Variants in SH3GLB2 observed in about 807,000 individuals in gnomAD.
The protein encoded by SH3GLB2 is SH3 domain containing GRB2 like, endophilin B2, also known as endophilin-B2.
Under a neutral mutation model 48.0 loss-of-function variants are expected in SH3GLB2, and 24 were observed. That is an observed-to-expected ratio of 0.50 (90% CI 0.36 to 0.70). The LOEUF (loss-of-function observed/expected upper bound fraction) is 0.70, where lower values mean the gene tolerates loss of function less well. Ranked by LOEUF, SH3GLB2 falls within the 30% of genes least tolerant of loss-of-function variation. The pLI is 0.00. For synonymous variants in SH3GLB2, 227 were observed against 207.6 expected, an observed-to-expected ratio of 1.09 and a Z score of -0.80; for missense variants, 425 against 516.0, an observed-to-expected ratio of 0.82 and a Z score of 1.71.
chr9:129,010,980 G>GA (rs890441519), intron 6 of SH3GLB2: 6 of 492,524 alleles, frequency 1.2e-5, no homozygotes, highest in African/African-American at 1.2e-4. Flanking sequence ...GGTCTCAAGA[G>GA]AGACGGAGTG....
At chr9:129,025,817 A>G (rs1332762893) in intron 1 of SH3GLB2, among the ~76,000 whole-genome samples, 2 of 146,104 alleles carry the variant, frequency 1.4e-5, no homozygotes, top group Non-Finnish European at 3.0e-5. Flanking sequence ...GAGAAGTTCT[A>G]CCAGGCTTTC....
At chr9:129,020,670 A>G (rs1843731409) in intron 3 of SH3GLB2, among the ~76,000 whole-genome samples, 1 of 151,826 alleles carries the variant, frequency 6.6e-6, no homozygotes, top group Non-Finnish European at 1.5e-5. Flanking sequence ...GATCGAGACC[A>G]TCCTGGCTAA....
rs903287014 is a variant in SH3GLB2, at chr9:129,008,802, G to A, written c.1081-11C>T. 6.2e-7 allele frequency: 1 copy of A among 1,612,124 alleles called. No homozygotes were observed. The highest frequency in any genetic ancestry group is 8.5e-7 in the Non-Finnish European group (1 of 1,178,472). ...GTAGACAGTGATGAGCTGCAGAGAT[G>A]GCAGTAGAGGACGGTCATGGCCTGG... On this transcript the variant is annotated splice_polypyrimidine_tract_variant and intron_variant, in intron 10 of 10. Coordinates refer to ENST00000372564, the MANE Select transcript of SH3GLB2 (RefSeq NM_020145.4).
chr9:129,028,290 C>T lies in SH3GLB2; in HGVS notation c.-136G>A, dbSNP rs1844290079. On this transcript the variant is annotated 5_prime_UTR_variant, in exon 1 of 11. Transcript: ENST00000372564. Reference sequence around the variant, plus strand: ...CGCACCCGCCTGCCGGCCTGCCCGCCTGCCCGCCCGCCGCAGCCGCCGAGC... The same window carrying T: ...CGCACCCGCCTGCCGGCCTGCCCGCTTGCCCGCCCGCCGCAGCCGCCGAGC... 2.0e-6 allele frequency: 1 copy of T among 495,356 alleles called. No homozygotes were observed. Among genetic ancestry groups the T allele is most frequent in the Non-Finnish European group, 2.6e-6 (1 of 384,272 alleles). 30.7% of individuals were successfully genotyped at this position (495,356 alleles called of 1,614,324 possible). A position where few individuals can be genotyped will look rare whatever the true frequency, so the allele number is the denominator to read the frequency against.
intron 6 of SH3GLB2, 129 bp from the exon 7 acceptor site, chr9:129,010,822 A>C: frequency 8.5e-7 from 1 of 1,176,966 alleles, no homozygotes; most frequent in African/African-American, 1.5e-5. Flanking sequence ...CCCCCTCCCA[A>C]ACAGGAGCTG....
chr9:129,009,360 A>C lies in SH3GLB2; in HGVS notation c.840-14T>G. On this transcript the variant is annotated splice_polypyrimidine_tract_variant and intron_variant, in intron 9 of 10. Transcript: ENST00000372564. ...GTGCCGGGAAATCTGGAGAGGAGGGATACATCTTAGCAGGTGGGAGTCCCA... is the reference window on the plus strand; with the variant it reads ...GTGCCGGGAAATCTGGAGAGGAGGGCTACATCTTAGCAGGTGGGAGTCCCA... 1 of 1,550,730 alleles carries C rather than the reference A, an allele frequency of 6.4e-7. No homozygotes were observed. Among genetic ancestry groups the C allele is most frequent in the Non-Finnish European group, 8.7e-7 (1 of 1,146,574 alleles).
chr9:129,015,227 T>A (rs775667407), intron 3 of SH3GLB2, among the ~76,000 whole-genome samples: 8 of 152,214 alleles, frequency 5.3e-5, no homozygotes, highest in Non-Finnish European at 8.8e-5. Context: ...CCAGGTGCGG[T>A]GGCTCACACC....
intron 5 of SH3GLB2, chr9:129,012,614 GC>G: frequency 2.3e-6 from 1 of 425,956 alleles, no homozygotes; most frequent in Non-Finnish European, 4.1e-6. Flanking sequence ...AGGGGCCACA[GC>G]CCCCTCCTCC....
In SH3GLB2 at chr9:129,010,368, C is replaced by T; in HGVS notation, c.649-159G>A. 3 of 669,678 alleles carry T rather than the reference C, an allele frequency of 4.5e-6. No individual in the cohort carries two copies. In the South Asian group the frequency reaches 5.7e-5, roughly 13 times the overall value. The allele number at this position is 669,678 out of a possible 1,614,324, so 41.5% of individuals were successfully genotyped here. On this transcript the variant is annotated intron_variant, in intron 7 of 10. Coordinates refer to ENST00000372564, the MANE Select transcript of SH3GLB2 (RefSeq NM_020145.4). ...GACTTCACACCTGGAGCCCCAACCC[C>T]AGAGAAGCTAGAGCCCCACTCAGGA...
At chr9:129,022,659 C>G (rs1843882351) in intron 1 of SH3GLB2, among the ~76,000 whole-genome samples, 2 of 152,200 alleles carry the variant, frequency 1.3e-5, no homozygotes, top group Admixed American at 1.3e-4. Context: ...TTTTGGAAAT[C>G]CAATGAAAGC....
chr9:129,018,137 C>T (rs537719967), intron 3 of SH3GLB2, among the ~76,000 whole-genome samples: 1 of 152,206 alleles, frequency 6.6e-6, no homozygotes, highest in South Asian at 2.1e-4. Flanking sequence ...CATACATTCT[C>T]TGATCGCAGT....
At chr9:129,021,013 TAAAA>T (rs898677708) in intron 3 of SH3GLB2, 74 bp downstream of exon 3, 1 of 1,324,770 alleles carries the variant, frequency 7.5e-7, no homozygotes, top group African/African-American at 1.5e-5. Flanking sequence ...TTTTTTTAAG[TAAAA>T]AAAAGGAAGG....
At position 129,009,271 on chromosome 9, in the gene SH3GLB2, C is replaced by T. The variant is rs375695550; in HGVS notation, c.915G>A (p.Ala305=). The T allele has an allele frequency of 2.8e-5, 44 of 1,573,006 alleles. No homozygotes were observed. Among genetic ancestry groups the T allele is most frequent in the African/African-American group, 2.3e-4 (17 of 74,360 alleles). The change falls in exon 10 of 11, where the codon GCG becomes GCA. Residue 305 remains alanine, a synonymous_variant. Transcript: ENST00000372564. ...PLSSTSPTTA[A]ATMPVVPSVA... ...CAGAGGGCACCACAGGCATAGTGGCCGCAGCAGTGGTGGGTGAGGTGCTGC... is the reference window on the plus strand; with the variant it reads ...CAGAGGGCACCACAGGCATAGTGGCTGCAGCAGTGGTGGGTGAGGTGCTGC...
chr9:129,012,319 T>A, intron 5 of SH3GLB2, 21 bp from the exon 6 acceptor site: 1 of 1,284,292 alleles, frequency 7.8e-7, no homozygotes, highest in South Asian at 3.3e-5. Flanking sequence ...ACAGAGTTCA[T>A]GTGGGGAGGG....
In SH3GLB2 at chr9:129,007,961, G is replaced by A. The variant is rs1464029965; in HGVS notation, c.*723C>T. On this transcript the variant is annotated 3_prime_UTR_variant, in exon 11 of 11. Transcript: ENST00000372564. ...CCACAGGGCCCCTGCTCACTCTGTG[G>A]AAGAGTGGGGCAGAGGGTGAGTCTA... The A allele has an allele frequency of 6.6e-6, 1 of 152,300 alleles. No individual in the cohort carries two copies. Among genetic ancestry groups the A allele is most frequent in the African/African-American group, 2.4e-5 (1 of 41,450 alleles). 9.4% of individuals were successfully genotyped at this position (152,300 alleles called of 1,614,324 possible). A position where few individuals can be genotyped will look rare whatever the true frequency, so the allele number is the denominator to read the frequency against.
intron 5 of SH3GLB2, chr9:129,013,735 T>C (rs1162649957): frequency 1.8e-5 from 4 of 224,670 alleles, no homozygotes; most frequent in Non-Finnish European, 3.7e-5. Flanking sequence ...CTGCAAGGTA[T>C]GAGGCAGCCT....
Position 129,008,780 on chromosome 9 carries a change from G to C in SH3GLB2, c.1092C>G (p.Val364=). The C allele has an allele frequency of 1.2e-6, 2 of 1,613,990 alleles. No individual in the cohort carries two copies. Among genetic ancestry groups the C allele is most frequent in the Non-Finnish European group, 1.7e-6 (2 of 1,179,952 alleles). ...LALLADELIT[V]YSLPGMDPDW... ...CAGGGTCCATGCCAGGCAGGCTGTAGACAGTGATGAGCTGCAGAGATGGCA... is the reference window on the plus strand; with the variant it reads ...CAGGGTCCATGCCAGGCAGGCTGTACACAGTGATGAGCTGCAGAGATGGCA... Residue 364 remains valine (V), a synonymous_variant, in exon 11 of 11, where the codon GTC becomes GTG. Transcript: ENST00000372564.
chr9:129,017,633 G>A (rs1171009228), intron 3 of SH3GLB2, among the ~76,000 whole-genome samples: 1 of 151,942 alleles, frequency 6.6e-6, no homozygotes, highest in African/African-American at 2.4e-5. Flanking sequence ...GGGTGTGATG[G>A]CTCACACCTG....
At chr9:129,012,370 AC>A in intron 5 of SH3GLB2, 72 bp from the exon 6 acceptor site, 1 of 994,030 alleles carries the variant, frequency 1.0e-6, no homozygotes, top group Non-Finnish European at 1.3e-6. Context: ...TCAGGAGGCT[AC>A]CCCAGAGTCT....
Sources: allele counts gnomAD v4.1 joint callset (sites outside exome capture counted in the v4.1 genomes callset), GRCh38; gene constraint gnomAD v4.1.1; transcripts MANE v1.5; gene names NCBI Gene and HGNC (gene_info 2026-07-23, HGNC 2026-07-21).